Variants in KLHL2 observed in about 807,000 individuals in gnomAD.
KLHL2 encodes the protein kelch like family member 2, also known as kelch-like protein 2.
KLHL2 carries 15 observed loss-of-function variants against 75.8 expected under a neutral mutation model. That is an observed-to-expected ratio of 0.20 (90% CI 0.13 to 0.30). KLHL2 has a LOEUF of 0.30. Ranked by LOEUF, KLHL2 falls within the 10% of genes least tolerant of loss-of-function variation. The pLI is 1.00. For missense variants in KLHL2, 381 were observed against 741.0 expected (o/e 0.51, Z 5.64); for synonymous variants, 214 against 251.9 (o/e 0.85, Z 1.42).
intron 8 of KLHL2, among the ~76,000 whole-genome samples, chr4:165,300,433 C>A (rs1207253892): frequency 6.6e-6 from 1 of 152,156 alleles, no homozygotes; most frequent in Non-Finnish European, 1.5e-5. Flanking sequence ...ATTGCTGTTC[C>A]CTGCTGTATA....
intron 3 of KLHL2, among the ~76,000 whole-genome samples, chr4:165,233,299 G>A (rs1331378784): frequency 1.3e-5 from 2 of 152,150 alleles, no homozygotes; most frequent in Non-Finnish European, 2.9e-5. Context: ...TACCAAATTG[G>A]GTTCTCGTGT....
intron 5 of KLHL2, among the ~76,000 whole-genome samples, chr4:165,281,670 T>C (rs1416879630): frequency 6.6e-6 from 1 of 152,196 alleles, no homozygotes; most frequent in Non-Finnish European, 1.5e-5. Context: ...TTTCATTTCA[T>C]GATTAGCTTA....
At position 165,264,738 on chromosome 4, in the gene KLHL2, A is replaced by G. The variant is rs1252568548; in HGVS notation, c.544+1379A>G. Among the ~76,000 whole-genome samples, 542 of 76,482 alleles carry G rather than the reference A, an allele frequency of 7.1e-3. 7 individuals are homozygous for G. Among genetic ancestry groups the G allele is most frequent in the African/African-American group, 0.016 (327 of 20,044 alleles). The allele number at this position is 76,482 out of a possible 152,430, so 50.2% of individuals were successfully genotyped here. Reference sequence around the variant, plus strand: ...TATATATACATATATATATATATATATGTATATATATATATATATATATAT... The same window carrying G: ...TATATATACATATATATATATATATGTGTATATATATATATATATATATAT... On this transcript the variant is annotated intron_variant, in intron 5 of 14. Coordinates refer to ENST00000226725, the MANE Select transcript of KLHL2 (RefSeq NM_007246.4).
chr4:165,242,601 A>G (rs1407419561), intron 4 of KLHL2, among the ~76,000 whole-genome samples: 1 of 152,036 alleles, frequency 6.6e-6, no homozygotes, highest in Admixed American at 6.6e-5. Context: ...GGTTCAAGCA[A>G]TTCTCCCACC....
intron 4 of KLHL2, among the ~76,000 whole-genome samples, chr4:165,244,406 G>A (rs1740066691): frequency 6.6e-6 from 1 of 152,202 alleles, no homozygotes; most frequent in African/African-American, 2.4e-5. Flanking sequence ...TGTAGTTACT[G>A]AGGGCATGGA....
intron 4 of KLHL2, among the ~76,000 whole-genome samples, chr4:165,253,031 T>C (rs1482276509): frequency 6.6e-6 from 1 of 152,172 alleles, no homozygotes; most frequent in Non-Finnish European, 1.5e-5. Context: ...CTGTATACTT[T>C]TTTATTTTTT....
chr4:165,232,996 A>T (rs1476245567), intron 3 of KLHL2, among the ~76,000 whole-genome samples: 2 of 149,788 alleles, frequency 1.3e-5, no homozygotes, highest in African/African-American at 4.9e-5. Flanking sequence ...GCTCAGGGAC[A>T]GGGAGTTTCC....
chr4:165,260,114 C>T (rs573800373), intron 4 of KLHL2, among the ~76,000 whole-genome samples: 23 of 152,158 alleles, frequency 1.5e-4, no homozygotes, highest in Admixed American at 1.3e-3. Context: ...GGTCACCAGG[C>T]GTCATGTTAG....
chr4:165,295,644 C>T (rs573374015), intron 6 of KLHL2, among the ~76,000 whole-genome samples: 47 of 152,232 alleles, frequency 3.1e-4, no homozygotes, highest in Non-Finnish European at 5.6e-4. Context: ...CAACTTGGTT[C>T]AGATGTATAT....
chr4:165,221,764 AT>A (rs1738015680), intron 2 of KLHL2, among the ~76,000 whole-genome samples: 1 of 152,164 alleles, frequency 6.6e-6, no homozygotes, highest in Non-Finnish European at 1.5e-5. Context: ...CTTTGACAAC[AT>A]TTTCAGAATG....
In KLHL2 at chr4:165,294,373, G is replaced by A. The variant is rs1350297863; in HGVS notation, c.559G>A (p.Asp187Asn). 3 of 1,601,378 alleles carry A rather than the reference G, an allele frequency of 1.9e-6. No individual in the cohort carries two copies. The Admixed American group carries it at 5.0e-5, about 27-fold the overall frequency. Residue 187 changes from aspartate (D) to asparagine (N), a missense_variant, in exon 6 of 15, where the codon GAT becomes AAT. Asp to Asn is a conservative substitution (Grantham distance 23). This residue lies in a region of KLHL2 where 111 missense variants were observed against 150.1 expected (regional missense o/e 0.74). Coordinates refer to ENST00000226725, the MANE Select transcript of KLHL2 (RefSeq NM_007246.4). ...ANTYAEQHFA[D>N]VVLSEEFLNL... ...TTCCCAAACAGAGCAACATTTTGCAGATGTTGTACTTAGTGAAGAATTTCT... is the reference window on the plus strand; with the variant it reads ...TTCCCAAACAGAGCAACATTTTGCAAATGTTGTACTTAGTGAAGAATTTCT...
intron 1 of KLHL2, 172 bp from the exon 2 acceptor site, chr4:165,219,762 A>G (rs1737837449): frequency 7.5e-7 from 1 of 1,331,554 alleles, no homozygotes; most frequent in Admixed American, 3.5e-5. Flanking sequence ...AGTGTCCATC[A>G]GAAACTGTTC....
chr4:165,281,310 T>TC (rs1743658825), intron 5 of KLHL2, among the ~76,000 whole-genome samples: 3 of 88,548 alleles, frequency 3.4e-5, no homozygotes, highest in East Asian at 3.2e-4. Flanking sequence ...TCTCTCTCTC[T>TC]TTTTTTTTTT....
At position 165,313,284 on chromosome 4, in the gene KLHL2, T is replaced by C; in HGVS notation, c.1386T>C (p.Cys462=). 6.2e-7 allele frequency: 1 copy of C among 1,607,888 alleles called. No individual in the cohort carries two copies. The highest frequency in any genetic ancestry group is 8.5e-7 in the Non-Finnish European group (1 of 1,177,436). The part of the protein sequence containing the change: ...VGGYDGASRQ[C]LSTVECYNAT... ...GTTATGATGGAGCATCACGTCAGTG[T>C]CTTAGCACAGTAGAATGCTATAATG... The change falls in exon 12 of 15, where the codon TGT becomes TGC. Residue 462 remains cysteine, a synonymous_variant. Coordinates refer to ENST00000226725, the MANE Select transcript of KLHL2 (RefSeq NM_007246.4).
intron 14 of KLHL2, 67 bp from the exon 15 acceptor site, chr4:165,321,965 A>C: frequency 7.5e-7 from 1 of 1,342,028 alleles, no homozygotes; most frequent in Non-Finnish European, 1.1e-6. Flanking sequence ...TGAAGAATTG[A>C]GTGTTTTCTC....
rs534454910 is a variant in KLHL2, at chr4:165,286,783, G to A, written c.545-7576G>A. Among the ~76,000 whole-genome samples the A allele has an allele frequency of 2.6e-5, 4 of 152,334 alleles. No individual in the cohort carries two copies. In the South Asian group the frequency reaches 8.3e-4, roughly 32 times the overall value. ...CAAGGTAGGACAGCAGCCAAACATA[G>A]GGATGTTAACCCAGTGATCTTTCTT... is the stretch of plus-strand genomic sequence containing the variant. On this transcript the variant is annotated intron_variant, in intron 5 of 14. Transcript: ENST00000226725.
intron 4 of KLHL2, among the ~76,000 whole-genome samples, chr4:165,244,603 TGATA>T (rs1225162405): frequency 6.6e-6 from 1 of 152,188 alleles, no homozygotes; most frequent in East Asian, 1.9e-4. Context: ...ATGGAATATC[TGATA>T]AGTACTCGGT....
intron 3 of KLHL2, among the ~76,000 whole-genome samples, chr4:165,234,026 G>A (rs971200395): frequency 6.6e-6 from 1 of 152,200 alleles, no homozygotes; most frequent in Non-Finnish European, 1.5e-5. Context: ...GCCTGCAAGA[G>A]TGGACCCAAC....
At chr4:165,311,956 A>G (rs996531654) in intron 11 of KLHL2, among the ~76,000 whole-genome samples, 47 of 151,696 alleles carry the variant, frequency 3.1e-4, no homozygotes, top group African/African-American at 1.0e-3. Flanking sequence ...GTGGAAGACA[A>G]TTTTTCCATG....
Sources: gnomAD v4.1 joint callset for allele counts (sites outside exome capture counted in the v4.1 genomes callset) on GRCh38, gnomAD v4.1.1 for gene constraint, gnomAD v4.1.1 regional missense constraint, MANE v1.5 for transcripts, NCBI Gene and HGNC (gene_info 2026-07-23, HGNC 2026-07-21) for gene names.